Variants in GNAQ observed in about 807,000 individuals in gnomAD.
GNAQ encodes G protein subunit alpha q, also known as guanine nucleotide-binding protein G(q) subunit alpha.
A neutral mutation model predicts 43.9 loss-of-function variants in GNAQ; 8 were observed. The observed-to-expected ratio is 0.18, with a 90% confidence interval of 0.11 to 0.33. The LOEUF is 0.33. GNAQ is among the 10% of genes least tolerant of loss of function. The probability of loss-of-function intolerance (pLI) is 1.00; values close to 1 mark genes in which losing one functional copy is unlikely to be tolerated. For synonymous variants in GNAQ, 155 were observed against 170.7 expected, an observed-to-expected ratio of 0.91 and a Z score of 0.71; for missense variants, 158 against 450.8, an observed-to-expected ratio of 0.35 and a Z score of 5.88.
chr9:77,751,310 T>C (rs1825806921), intron 5 of GNAQ, among the ~76,000 whole-genome samples: 1 of 152,212 alleles, frequency 6.6e-6, no homozygotes, highest in African/African-American at 2.4e-5. Context: ...TCTGAAAGTA[T>C]TGCTAAAAAG....
intron 1 of GNAQ, among the ~76,000 whole-genome samples, chr9:77,943,340 G>C (rs10781472): frequency 0.21 from 32,375 of 152,164 alleles, 3,673 homozygotes; most frequent in South Asian, 0.39. Flanking sequence ...ACACATGTTC[G>C]ACGTGTCTTG....
intron 2 of GNAQ, among the ~76,000 whole-genome samples, chr9:77,881,936 G>A (rs553483070): frequency 1.3e-5 from 2 of 152,206 alleles, no homozygotes; most frequent in African/African-American, 4.8e-5. Context: ...TCAGGAGTTC[G>A]AGACCACCTT....
intron 1 of GNAQ, among the ~76,000 whole-genome samples, chr9:78,004,295 T>A (rs1037822853): frequency 4.1e-5 from 6 of 145,742 alleles, no homozygotes; most frequent in African/African-American, 1.3e-4. Flanking sequence ...AAAAAAAAAA[T>A]TAATTAAGTT....
At chr9:77,869,498 A>C (rs973264844) in intron 2 of GNAQ, among the ~76,000 whole-genome samples, 4 of 152,222 alleles carry the variant, frequency 2.6e-5, no homozygotes, top group Non-Finnish European at 5.9e-5. Context: ...TTCTTGGGAT[A>C]ATTTAGTTAC....
intron 1 of GNAQ, 77 bp downstream of exon 1, chr9:78,031,023 G>A (rs1273514846): frequency 1.8e-6 from 2 of 1,112,520 alleles, no homozygotes; most frequent in Non-Finnish European, 1.2e-6. Context: ...CGGGGGCGCC[G>A]AAGGCAGCTG....
At chr9:77,979,690 G>C (rs923607986) in intron 1 of GNAQ, among the ~76,000 whole-genome samples, 1 of 152,116 alleles carries the variant, frequency 6.6e-6, no homozygotes, top group African/African-American at 2.4e-5. Flanking sequence ...TTACAATTCT[G>C]AACTGCATCT....
At chr9:77,798,669 T>C (rs964382718) in intron 3 of GNAQ, among the ~76,000 whole-genome samples, 1 of 152,204 alleles carries the variant, frequency 6.6e-6, no homozygotes, top group African/African-American at 2.4e-5. Context: ...GTATGCATAG[T>C]CCTCTCCTAT....
chr9:77,753,168 A>ATAAG (rs1825843274), intron 5 of GNAQ, among the ~76,000 whole-genome samples: 1 of 152,026 alleles, frequency 6.6e-6, no homozygotes, highest in Non-Finnish European at 1.5e-5. Flanking sequence ...TAAATGGGAT[A>ATAAG]TAAGTCCAAT....
rs181575475 is a variant in GNAQ at position 77,729,355 on chromosome 9, T to C, written c.736-688A>G. On this transcript the variant is annotated intron_variant, in intron 5 of 6. Transcript: ENST00000286548. ...AATGTAATATTTCTCACTTTCAGCA[T>C]CTGTGAGTAAGTGTTCTCACCTGAA... 1.4e-3 allele frequency among the ~76,000 whole-genome samples: 213 copies of C among 152,324 alleles called. 2 individuals carry two copies. Among genetic ancestry groups the C allele is most frequent in the Non-Finnish European group, 3.1e-4 (21 of 68,014 alleles).
chr9:77,870,033 A>G (rs1265207549), intron 2 of GNAQ, among the ~76,000 whole-genome samples: 1 of 152,336 alleles, frequency 6.6e-6, no homozygotes, highest in East Asian at 1.9e-4. Flanking sequence ...ATCACCTGCA[A>G]TCAGAAATAT....
At chr9:77,744,193 T>TTGC in intron 5 of GNAQ, among the ~76,000 whole-genome samples, 1 of 152,188 alleles carries the variant, frequency 6.6e-6, no homozygotes, top group South Asian at 2.1e-4. Context: ...GTTAGTGGCC[T>TTGC]TGCTGAACAA....
At chr9:77,762,236 C>A (rs1826048044) in intron 5 of GNAQ, among the ~76,000 whole-genome samples, 1 of 141,602 alleles carries the variant, frequency 7.1e-6, no homozygotes, top group Admixed American at 6.8e-5. Context: ...GCCGCCCCTT[C>A]CGGGAGGGAG....
At position 77,763,516 on chromosome 9, in the gene GNAQ, CCT is replaced by C. The variant is rs531242029; in HGVS notation, c.735+30945_735+30946del. Among the ~76,000 whole-genome samples the C allele has an allele frequency of 1.6e-3, 241 of 152,306 alleles. 2 individuals carry two copies. The highest frequency in any genetic ancestry group is 4.4e-3 in the African/African-American group (183 of 41,554). On this transcript the variant is annotated intron_variant, in intron 5 of 6. Coordinates refer to ENST00000286548, the MANE Select transcript of GNAQ (RefSeq NM_002072.5). ...CCTTTTCAATTGTCCTCACCCCACC[CCT>C]GTTTTCTGTGAGACAAAGATCTTGC... is the stretch of plus-strand genomic sequence containing the variant.
chr9:77,880,323 T>C (rs564094038), intron 2 of GNAQ, among the ~76,000 whole-genome samples: 1 of 152,308 alleles, frequency 6.6e-6, no homozygotes, highest in South Asian at 2.1e-4. Context: ...TTTATACCCT[T>C]TCTCACACAG....
intron 1 of GNAQ, among the ~76,000 whole-genome samples, chr9:78,019,381 G>A (rs1823877719): frequency 6.6e-6 from 1 of 152,204 alleles, no homozygotes; most frequent in South Asian, 2.1e-4. Context: ...AGCTCTGAAA[G>A]ACAGCAAGAA....
At chr9:77,824,383 T>TA (rs1225085691) in intron 2 of GNAQ, among the ~76,000 whole-genome samples, 1 of 152,186 alleles carries the variant, frequency 6.6e-6, no homozygotes, top group Non-Finnish European at 1.5e-5. Context: ...TGGAAAGACA[T>TA]AAATATCTCA....
intron 5 of GNAQ, among the ~76,000 whole-genome samples, chr9:77,761,990 G>T (rs1826039035): frequency 7.2e-6 from 1 of 139,306 alleles, no homozygotes; most frequent in African/African-American, 2.7e-5. Flanking sequence ...CGTCCGGGAG[G>T]TGAGGGGCGC....
chr9:77,916,724 T>C (rs1196923071), intron 2 of GNAQ, among the ~76,000 whole-genome samples: 2 of 151,982 alleles, frequency 1.3e-5, no homozygotes, highest in East Asian at 1.9e-4. Flanking sequence ...TAAGCCCTGG[T>C]TATCAGGACT....
intron 1 of GNAQ, among the ~76,000 whole-genome samples, chr9:77,946,221 C>T (rs1003810446): frequency 3.3e-5 from 5 of 152,096 alleles, no homozygotes; most frequent in African/African-American, 4.8e-5. Context: ...TTTGTGAAGT[C>T]TGATGTGTCC....
Sources: gnomAD v4.1 joint callset for allele counts (sites outside exome capture counted in the v4.1 genomes callset) on GRCh38, gnomAD v4.1.1 for gene constraint, MANE v1.5 for transcripts, NCBI Gene and HGNC (gene_info 2026-07-23, HGNC 2026-07-21) for gene names.